Variants in RFXANK observed in about 807,000 individuals in gnomAD.
RFXANK encodes regulatory factor X associated ankyrin containing protein, also known as DNA-binding protein RFXANK.
Under a neutral mutation model 34.5 loss-of-function variants are expected in RFXANK, and 19 were observed. That is an observed-to-expected ratio of 0.55 (90% CI 0.38 to 0.81). The LOEUF (loss-of-function observed/expected upper bound fraction) is 0.81, where lower values mean the gene tolerates loss of function less well. RFXANK is among the 30% of genes least tolerant of loss of function. RFXANK has a pLI of 0.00. For synonymous variants in RFXANK, 154 were observed against 149.8 expected (o/e 1.03, Z -0.20); for missense variants, 295 against 343.5 (o/e 0.86, Z 1.12).
At chr19:19,196,623 G>T (rs904954183) in intron 3 of RFXANK, among the ~76,000 whole-genome samples, 1 of 151,992 alleles carries the variant, frequency 6.6e-6, no homozygotes, top group African/African-American at 2.4e-5. Flanking sequence ...CCAGCACTTT[G>T]GGAGGCTGAG....
intron 8 of RFXANK, 43 bp from the exon 9 acceptor site, chr19:19,199,111 C>T: frequency 6.3e-7 from 1 of 1,583,262 alleles, no homozygotes; most frequent in Non-Finnish European, 8.7e-7. Context: ...CCATTCTGGA[C>T]TCCCAGGCCC....
In RFXANK at chr19:19,197,512, T is replaced by G; in HGVS notation, c.338-9T>G. On this transcript the variant is annotated splice_polypyrimidine_tract_variant and intron_variant, in intron 5 of 9. Coordinates refer to ENST00000303088, the MANE Select transcript of RFXANK (RefSeq NM_003721.4). ...CAGCCTGGTGGTATTGCCCGCCTCCTCCTGCCAGGTGACAACCTCGTCAAC... is the reference window on the plus strand; with the variant it reads ...CAGCCTGGTGGTATTGCCCGCCTCCGCCTGCCAGGTGACAACCTCGTCAAC... The G allele has an allele frequency of 6.2e-7, 1 of 1,613,340 alleles. No individual in the cohort carries two copies. Among genetic ancestry groups the G allele is most frequent in the Non-Finnish European group, 8.5e-7 (1 of 1,179,802 alleles).
rs1443856895 is a variant in RFXANK at position 19,193,945 on chromosome 19, C to T, written c.-2C>T. 1.7e-5 allele frequency: 28 copies of T among 1,614,094 alleles called. No individual in the cohort carries two copies. The highest frequency in any genetic ancestry group is 2.3e-5 in the Non-Finnish European group (27 of 1,180,050). On this transcript the variant is annotated 5_prime_UTR_variant, in exon 3 of 10. Transcript: ENST00000303088. ...CTTCTGACACCTCCGCCAGCTTTCC[C>T]CATGGAGCTTACCCAGCCTGCAGAA... is the stretch of plus-strand genomic sequence containing the variant.
chr19:19,197,550 C>G lies in RFXANK; in HGVS notation c.367C>G (p.Arg123Gly). The G allele has an allele frequency of 6.2e-7, 1 of 1,613,908 alleles. No homozygotes were observed. Among genetic ancestry groups the G allele is most frequent in the Non-Finnish European group, 8.5e-7 (1 of 1,180,026 alleles). Residue 123 changes from arginine (R) to glycine (G), a missense_variant, in exon 6 of 10, where the codon CGC becomes GGC. Arg to Gly is a moderately radical substitution (Grantham distance 125). Transcript: ENST00000303088. ...GDNLVNKPDE[R>G]GFTPLIWASA... ...CAACCTCGTCAACAAGCCAGACGAGCGCGGCTTCACCCCCCTCATCTGGGC... is the reference window on the plus strand; with the variant it reads ...CAACCTCGTCAACAAGCCAGACGAGGGCGGCTTCACCCCCCTCATCTGGGC...
chr19:19,193,667 G>T (rs1211452580), intron 2 of RFXANK, among the ~76,000 whole-genome samples: 1 of 151,940 alleles, frequency 6.6e-6, no homozygotes, highest in Non-Finnish European at 1.5e-5. Context: ...ACCCTCCTCG[G>T]CCTCCCAAAG....
At position 19,200,378 on chromosome 19, in the gene RFXANK, A is replaced by G. The variant is rs575722705; in HGVS notation, c.712+1144A>G. On this transcript the variant is annotated intron_variant, in intron 9 of 9. Transcript: ENST00000303088. ...TTTTTAGTAGAGACGGGGTTTCACCATGTTGGTCAGGCTGGTCTTGAACTC... is the reference window on the plus strand; with the variant it reads ...TTTTTAGTAGAGACGGGGTTTCACCGTGTTGGTCAGGCTGGTCTTGAACTC... 7.2e-5 allele frequency among the ~76,000 whole-genome samples: 11 copies of G among 151,878 alleles called. No individual in the cohort carries two copies. In the South Asian group the frequency reaches 2.3e-3, roughly 32 times the overall value.
At chr19:19,195,666 G>A (rs751275540) in intron 3 of RFXANK, among the ~76,000 whole-genome samples, 4 of 150,034 alleles carry the variant, frequency 2.7e-5, no homozygotes, top group Non-Finnish European at 4.4e-5. Flanking sequence ...AGGCCCTCCT[G>A]TTACCACCTT....
At chr19:19,194,251 A>G in intron 3 of RFXANK, 118 bp downstream of exon 3, 1 of 1,183,948 alleles carries the variant, frequency 8.4e-7, no homozygotes, top group Non-Finnish European at 1.2e-6. Context: ...TTGTTTTTTG[A>G]GATGGAGTTT....
At chr19:19,200,363 A>G (rs530718748) in intron 9 of RFXANK, among the ~76,000 whole-genome samples, 11 of 151,330 alleles carry the variant, frequency 7.3e-5, no homozygotes, top group African/African-American at 2.4e-4. Context: ...TTTTTAGTAG[A>G]GACGGGGTTT....
chr19:19,201,806 T>A lies in RFXANK; in HGVS notation c.*87T>A. On this transcript the variant is annotated 3_prime_UTR_variant, in exon 10 of 10. Coordinates refer to ENST00000303088, the MANE Select transcript of RFXANK (RefSeq NM_003721.4). ...CCCAGAACTGACTTCAAAGGCAGCT[T>A]CTGGACAGGTGGTGGGAGGGGACCC... The A allele has an allele frequency of 6.2e-7, 1 of 1,612,832 alleles. No individual in the cohort carries two copies. Among genetic ancestry groups the A allele is most frequent in the Non-Finnish European group, 8.5e-7 (1 of 1,179,484 alleles).
In RFXANK at chr19:19,201,657, G is replaced by T. The variant is rs769532234; in HGVS notation, c.721G>T (p.Val241Leu). Reference protein sequence around the residue: ...VALGYRKVQQVIENHILKLFQ... With the variant: ...VALGYRKVQQLIENHILKLFQ... ...TCCCTGCCCCATCTCAGTGCAACAG[G>T]TGATCGAGAACCACATCCTCAAGCT... is the stretch of plus-strand genomic sequence containing the variant. Residue 241 changes from valine (V) to leucine (L), a missense_variant, in exon 10 of 10, where the codon GTG becomes TTG. Physicochemically the swap from Val to Leu is conservative, Grantham distance 32 (BLOSUM62 1). Coordinates refer to ENST00000303088, the MANE Select transcript of RFXANK (RefSeq NM_003721.4). 3 of 1,613,996 alleles carry T rather than the reference G, an allele frequency of 1.9e-6. No homozygotes were observed. Among genetic ancestry groups the T allele is most frequent in the Non-Finnish European group, 2.5e-6 (3 of 1,180,036 alleles).
At chr19:19,195,200 A>G in intron 3 of RFXANK, among the ~76,000 whole-genome samples, 1 of 130,136 alleles carries the variant, frequency 7.7e-6, no homozygotes, top group Non-Finnish European at 1.6e-5. Context: ...CTGGGACTAC[A>G]GTCCGTTTTT....
chr19:19,195,696 C>CT (rs748455850), intron 3 of RFXANK, among the ~76,000 whole-genome samples: 13 of 151,326 alleles, frequency 8.6e-5, no homozygotes, highest in Non-Finnish European at 1.6e-4. Context: ...GGACTTATTC[C>CT]TTGTGCTCCG....
At chr19:19,199,721 A>G (rs1043152982) in intron 9 of RFXANK, among the ~76,000 whole-genome samples, 3 of 152,138 alleles carry the variant, frequency 2.0e-5, no homozygotes, top group African/African-American at 4.8e-5. Flanking sequence ...GTAGGCGACC[A>G]GGCCATAGTG....
In RFXANK at chr19:19,194,032, A is replaced by C; in HGVS notation, c.86A>C (p.Glu29Ala). ...CTTGGGGACCCTGAAGACCCCGGAG[A>C]GGAGGCTGCAGATGGCTCAGACACT... The part of the protein sequence containing the change: ...SELGDPEDPG[E>A]EAADGSDTVV... Residue 29 changes from glutamate to alanine, a missense_variant, in exon 3 of 10, where the codon GAG becomes GCG. Glu to Ala is a moderately radical substitution (Grantham distance 107, BLOSUM62 -1). Transcript: ENST00000303088. The C allele has an allele frequency of 6.2e-7, 1 of 1,614,140 alleles. No individual in the cohort carries two copies. Among genetic ancestry groups the C allele is most frequent in the Non-Finnish European group, 8.5e-7 (1 of 1,180,010 alleles).
At chr19:19,198,080 T>C in intron 6 of RFXANK, 27 bp from the exon 7 acceptor site, 1 of 1,610,548 alleles carries the variant, frequency 6.2e-7, no homozygotes, top group African/African-American at 1.3e-5. Context: ...CAATCCATCC[T>C]ACCACTGTCC....
Position 19,192,441 on chromosome 19 carries a change from A to C in RFXANK, c.-263A>C. On this transcript the variant is annotated 5_prime_UTR_variant, in exon 1 of 10. Transcript: ENST00000303088. ...GAGAGACGAGTTGGGGGAGTCCTCC[A>C]CGCATTACCCACTCGGGCCGCAAAA... The C allele has an allele frequency of 6.8e-6, 3 of 441,928 alleles. No individual in the cohort carries two copies. The highest frequency in any genetic ancestry group is 2.0e-5 in the African/African-American group (1 of 49,780). The allele number at this position is 441,928 out of a possible 1,614,324, so 27.4% of individuals were successfully genotyped here. A position where few individuals can be genotyped will look rare whatever the true frequency, so the allele number is the denominator to read the frequency against.
Position 19,196,981 on chromosome 19 carries a change from A to AGGGAG in RFXANK, c.206_207insGGGAG (p.His69GlnfsTer23). On this transcript the variant is annotated frameshift_variant, in exon 4 of 10. Transcript: ENST00000303088. LOFTEE classifies it high-confidence loss of function. ...TTCCCAGCAGGCAGCTCCCTGAAGCACTCCACCACTCTCACCAACCGGCAG... is the reference window on the plus strand; with the variant it reads ...TTCCCAGCAGGCAGCTCCCTGAAGCAGGGAGCTCCACCACTCTCACCAACCGGCAG... 1.2e-6 allele frequency: 2 copies of AGGGAG among 1,612,560 alleles called. No homozygotes were observed. Among genetic ancestry groups the AGGGAG allele is most frequent in the Non-Finnish European group, 1.7e-6 (2 of 1,179,928 alleles).
At chr19:19,197,976 C>T in intron 6 of RFXANK, 131 bp from the exon 7 acceptor site, 1 of 1,260,304 alleles carries the variant, frequency 7.9e-7, no homozygotes, top group African/African-American at 1.5e-5. Flanking sequence ...TGCGCCACTG[C>T]ACTCCAGCCT....
Sources: gnomAD v4.1 joint callset for allele counts (sites outside exome capture counted in the v4.1 genomes callset) on GRCh38, gnomAD v4.1.1 for gene constraint, MANE v1.5 for transcripts, NCBI Gene and HGNC (gene_info 2026-07-23, HGNC 2026-07-21) for gene names.